NFIA: variants seen among roughly 807,000 people sequenced by gnomAD.
NFIA encodes nuclear factor 1 A-type.
NFIA carries 8 observed loss-of-function variants against 62.8 expected under a neutral mutation model. The observed-to-expected ratio is 0.13, with a 90% CI of 0.07 to 0.23. The LOEUF (loss-of-function observed/expected upper bound fraction) is 0.23. Ranked by LOEUF, NFIA falls within the 10% of genes least tolerant of loss-of-function variation. The pLI is 1.00. For synonymous variants in NFIA, 235 were observed against 238.1 expected (o/e 0.99, Z 0.12); for missense variants, 410 against 642.1 (o/e 0.64, Z 3.91).
chr1:61,170,968 A>G (rs1484126540), intron 2 of NFIA, among the ~76,000 whole-genome samples: 1 of 152,210 alleles, frequency 6.6e-6, no homozygotes, highest in Non-Finnish European at 1.5e-5. Flanking sequence ...TTTATAGAGA[A>G]TAATGTCTAA....
chr1:61,194,114 C>T (rs12126115), intron 2 of NFIA, among the ~76,000 whole-genome samples: 2 of 151,852 alleles, frequency 1.3e-5, no homozygotes, highest in African/African-American at 2.4e-5. Context: ...TAGTGTCAGG[C>T]GGAGACCTAG....
At chr1:61,403,905 C>T (rs1405302144) in intron 7 of NFIA, among the ~76,000 whole-genome samples, 199 bp from the exon 8 acceptor site, 1 of 152,180 alleles carries the variant, frequency 6.6e-6, no homozygotes, top group African/African-American at 2.4e-5. Context: ...GCTTGAAACT[C>T]TACCCTAATC....
chr1:61,334,423 A>G (rs949805381), intron 4 of NFIA, among the ~76,000 whole-genome samples: 24 of 151,372 alleles, frequency 1.6e-4, no homozygotes, highest in African/African-American at 5.6e-4. Flanking sequence ...GTGCATCTGT[A>G]TATATCTTTT....
At chr1:61,252,832 T>A (rs1301850632) in intron 2 of NFIA, among the ~76,000 whole-genome samples, 1 of 152,246 alleles carries the variant, frequency 6.6e-6, no homozygotes, top group Non-Finnish European at 1.5e-5. Flanking sequence ...TTTTTTCAAA[T>A]TAACCAATCA....
intron 2 of NFIA, among the ~76,000 whole-genome samples, chr1:61,275,851 A>G (rs974563636): frequency 5.9e-5 from 9 of 152,128 alleles, no homozygotes; most frequent in Non-Finnish European, 1.2e-4. Context: ...GAAGGTAGTC[A>G]TGCTGTATTT....
intron 4 of NFIA, among the ~76,000 whole-genome samples, chr1:61,335,709 T>G (rs984900148): frequency 3.3e-5 from 5 of 151,804 alleles, no homozygotes; most frequent in East Asian, 1.9e-4. Context: ...AGGTGTGGTG[T>G]CGGGCGCCTG....
At chr1:61,186,713 AATAAT>A (rs1375818440) in intron 2 of NFIA, among the ~76,000 whole-genome samples, 3 of 152,232 alleles carry the variant, frequency 2.0e-5, no homozygotes, top group Non-Finnish European at 4.4e-5. Context: ...ATAATAATAA[AATAAT>A]AGCAACGGAT....
intron 2 of NFIA, among the ~76,000 whole-genome samples, chr1:61,202,934 A>G (rs572795360): frequency 7.2e-5 from 11 of 152,324 alleles, no homozygotes; most frequent in East Asian, 5.8e-4. Context: ...AAAATCATGG[A>G]AACTGCACAT....
intron 2 of NFIA, among the ~76,000 whole-genome samples, chr1:61,172,199 G>A (rs1223540567): frequency 1.3e-5 from 2 of 152,160 alleles, no homozygotes; most frequent in African/African-American, 4.8e-5. Flanking sequence ...TAAAGAGAAA[G>A]GAACCTTTAG....
intron 3 of NFIA, among the ~76,000 whole-genome samples, chr1:61,287,153 C>T (rs555393208): frequency 6.6e-6 from 1 of 152,308 alleles, no homozygotes; most frequent in African/African-American, 2.4e-5. Flanking sequence ...ATCCCCTACA[C>T]TGTGATAGTC....
At chr1:61,418,766 A>G (rs986591084) in intron 9 of NFIA, among the ~76,000 whole-genome samples, 2 of 152,306 alleles carry the variant, frequency 1.3e-5, no homozygotes, top group South Asian at 2.1e-4. Context: ...CTTTATCTGT[A>G]TTATTAGTAT....
chr1:61,449,215 A>G (rs1667957031), intron 10 of NFIA, among the ~76,000 whole-genome samples: 1 of 152,078 alleles, frequency 6.6e-6, no homozygotes, highest in African/African-American at 2.4e-5. Context: ...CTCGAGGGAG[A>G]GTGTCTGTCA....
chr1:61,198,316 A>G (rs1219182306), intron 2 of NFIA, among the ~76,000 whole-genome samples: 1 of 152,208 alleles, frequency 6.6e-6, no homozygotes, highest in East Asian at 1.9e-4. Context: ...CTTCCAATCT[A>G]TGCAAATCAG....
chr1:61,322,242 G>T (rs1266490505), intron 3 of NFIA, among the ~76,000 whole-genome samples: 1 of 152,208 alleles, frequency 6.6e-6, no homozygotes, highest in African/African-American at 2.4e-5. Flanking sequence ...TGACACGTTA[G>T]ATTCAAAAGG....
At chr1:61,336,100 T>G (rs1661592545) in intron 4 of NFIA, among the ~76,000 whole-genome samples, 1 of 152,174 alleles carries the variant, frequency 6.6e-6, no homozygotes. Context: ...TCTTTTTCCT[T>G]TATTCTACTC....
chr1:61,374,143 T>G (rs1230313582), intron 6 of NFIA, among the ~76,000 whole-genome samples: 2 of 152,022 alleles, frequency 1.3e-5, no homozygotes, highest in Non-Finnish European at 2.9e-5. Flanking sequence ...TATGATTGAG[T>G]TTTTTACTAT....
At chr1:61,171,349 A>T in intron 2 of NFIA, among the ~76,000 whole-genome samples, 1 of 152,242 alleles carries the variant, frequency 6.6e-6, no homozygotes, top group East Asian at 1.9e-4. Context: ...TTCTTAGAGA[A>T]AAAAATGTTT....
In NFIA at chr1:61,158,121, C is replaced by A. The variant is rs529578472; in HGVS notation, c.559+69441C>A. ...TAGATCATAGTCAGATTTTATTATT[C>A]TTAAGCAAATGGAGGCAATTGGCTT... On this transcript the variant is annotated intron_variant, in intron 2 of 10. Coordinates refer to ENST00000403491, the MANE Select transcript of NFIA (RefSeq NM_001134673.4). Among the ~76,000 whole-genome samples the A allele has an allele frequency of 2.4e-4, 36 of 152,250 alleles. 1 individual carries two copies. The South Asian group carries it at 6.6e-3, about 28-fold the overall frequency.
intron 3 of NFIA, among the ~76,000 whole-genome samples, chr1:61,292,352 A>G (rs1430302485): frequency 1.3e-5 from 2 of 152,192 alleles, no homozygotes; most frequent in African/African-American, 4.8e-5. Flanking sequence ...AAATGAATGA[A>G]TCTTGTGTTC....
Sources: gnomAD v4.1 joint callset for allele counts (sites outside exome capture counted in the v4.1 genomes callset) on GRCh38, gnomAD v4.1.1 for gene constraint, MANE v1.5 for transcripts, NCBI Gene and HGNC (gene_info 2026-07-23, HGNC 2026-07-21) for gene names.